STAM: variants seen among roughly 807,000 people sequenced by gnomAD.
The protein encoded by STAM is signal transducing adaptor molecule.
Under a neutral mutation model 63.4 loss-of-function variants are expected in STAM, and 16 were observed. That is an observed-to-expected ratio of 0.25 (90% confidence interval 0.17 to 0.38). The LOEUF (loss-of-function observed/expected upper bound fraction) is 0.38. STAM is among the 10% of genes least tolerant of loss of function. The pLI is 1.00. For synonymous variants in STAM, 238 were observed against 223.9 expected (o/e 1.06, Z -0.56); for missense variants, 636 against 657.1 (o/e 0.97, Z 0.35).
At chr10:17,697,459 C>A (rs1835811662) in intron 8 of STAM, among the ~76,000 whole-genome samples, 1 of 152,180 alleles carries the variant, frequency 6.6e-6, no homozygotes, top group Non-Finnish European at 1.5e-5. Flanking sequence ...GTCAGATATT[C>A]AGAAGGAGCC....
Position 17,708,047 on chromosome 10 carries a change from C to A in STAM, c.1210-729C>A, listed in dbSNP as rs1425204168. ...CTGGGACTGCAGGCGCCCGCCACCA[C>A]GCCTGGCTAATTTTTTGTATTTTTA... On this transcript the variant is annotated intron_variant, in intron 12 of 13. Transcript: ENST00000377524. Among the ~76,000 whole-genome samples the A allele has an allele frequency of 2.6e-5, 4 of 152,196 alleles. No individual in the cohort carries two copies. The East Asian group carries it at 7.7e-4, about 29-fold the overall frequency.
At chr10:17,674,680 A>G (rs373202489) in intron 2 of STAM, among the ~76,000 whole-genome samples, 19 of 152,216 alleles carry the variant, frequency 1.2e-4, no homozygotes, top group East Asian at 3.8e-4. Flanking sequence ...TGGTCAAGCA[A>G]GTCACTGAAG....
In STAM at chr10:17,715,687, A is replaced by C. The variant is rs2131715972; in HGVS notation, c.*907A>C. ...GGTTTCTAAGCTGTATACTGTGTTTATTGGTGGCAGTGACACCAAAGATAG... is the reference window on the plus strand; with the variant it reads ...GGTTTCTAAGCTGTATACTGTGTTTCTTGGTGGCAGTGACACCAAAGATAG... On this transcript the variant is annotated 3_prime_UTR_variant, in exon 14 of 14. Transcript: ENST00000377524. The C allele has an allele frequency of 6.5e-6, 1 of 152,712 alleles. No homozygotes were observed. The highest frequency in any genetic ancestry group is 6.5e-5 in the Admixed American group (1 of 15,292). 9.5% of individuals were successfully genotyped at this position (152,712 alleles called of 1,614,324 possible).
At chr10:17,673,032 T>A in intron 2 of STAM, 1 of 985,402 alleles carries the variant, frequency 1.0e-6, no homozygotes, top group Non-Finnish European at 1.2e-6. Context: ...AATGGGGTTT[T>A]AAGAAGCTTT....
At chr10:17,666,385 G>GTTTTTTTTTTTTT (rs1425682476) in intron 2 of STAM, among the ~76,000 whole-genome samples, 27 of 102,294 alleles carry the variant, frequency 2.6e-4, no homozygotes, top group African/African-American at 9.9e-4. Flanking sequence ...CCTTGGCTTT[G>GTTTTTTTTTTTTT]TATTTTTTTT....
At chr10:17,710,744 T>C (rs1554829990) in intron 13 of STAM, among the ~76,000 whole-genome samples, 1 of 152,240 alleles carries the variant, frequency 6.6e-6, no homozygotes, top group East Asian at 1.9e-4. Context: ...CACACAGTTT[T>C]ACACTGGCTA....
At chr10:17,707,104 A>G (rs1836319731) in intron 12 of STAM, among the ~76,000 whole-genome samples, 1 of 151,666 alleles carries the variant, frequency 6.6e-6, no homozygotes, top group Non-Finnish European at 1.5e-5. Flanking sequence ...AGGTGAGGTT[A>G]TAGGGAATAA....
chr10:17,659,836 C>T (rs1834093272), intron 1 of STAM, among the ~76,000 whole-genome samples: 1 of 152,144 alleles, frequency 6.6e-6, no homozygotes, highest in African/African-American at 2.4e-5. Flanking sequence ...TTAAGAAGTT[C>T]TGCTAACATT....
intron 2 of STAM, among the ~76,000 whole-genome samples, chr10:17,683,075 A>G (rs1448457597): frequency 6.6e-6 from 1 of 151,990 alleles, no homozygotes; most frequent in Admixed American, 6.6e-5. Context: ...TTAATCTGCC[A>G]TTTTTCTAGA....
chr10:17,677,010 T>A (rs1834885116), intron 2 of STAM, among the ~76,000 whole-genome samples: 1 of 152,204 alleles, frequency 6.6e-6, no homozygotes, highest in South Asian at 2.1e-4. Flanking sequence ...AGTTCTGTTT[T>A]GTAGACAGTT....
At chr10:17,652,956 C>T (rs1240439627) in intron 1 of STAM, among the ~76,000 whole-genome samples, 2 of 152,110 alleles carry the variant, frequency 1.3e-5, no homozygotes, top group Non-Finnish European at 2.9e-5. Context: ...GTCTTTGTTT[C>T]CTAGGAGACA....
At chr10:17,706,565 G>C (rs1836289334) in intron 12 of STAM, among the ~76,000 whole-genome samples, 1 of 151,842 alleles carries the variant, frequency 6.6e-6, no homozygotes, top group Admixed American at 6.6e-5. Flanking sequence ...ATTTTTAGTA[G>C]AGACGGGGTT....
chr10:17,644,501 T>A, intron 1 of STAM, 122 bp downstream of exon 1: 1 of 1,171,072 alleles, frequency 8.5e-7, no homozygotes, highest in Non-Finnish European at 1.2e-6. Flanking sequence ...TCCCCTTTCC[T>A]GAGGCTCCCT....
intron 11 of STAM, 105 bp downstream of exon 11, chr10:17,705,129 GGA>G: frequency 1.1e-6 from 1 of 879,312 alleles, no homozygotes; most frequent in Non-Finnish European, 1.8e-6. Flanking sequence ...ATATTGTGGA[GGA>G]ACCAACTCTC....
In STAM at chr10:17,705,583, T is replaced by C. The variant is rs1369247147; in HGVS notation, c.1056-5T>C. 3.1e-6 allele frequency: 5 copies of C among 1,609,666 alleles called. No individual in the cohort carries two copies. The highest frequency in any genetic ancestry group is 4.2e-6 in the Non-Finnish European group (5 of 1,178,554). ...TATGCTTCAAATTATTGTGTCATGT[T>C]TCAGAAAACATTCAGAACTCTCAGA... On this transcript the variant is annotated splice_polypyrimidine_tract_variant and splice_region_variant and intron_variant, in intron 11 of 13. Coordinates refer to ENST00000377524, the MANE Select transcript of STAM (RefSeq NM_003473.4).
intron 2 of STAM, among the ~76,000 whole-genome samples, chr10:17,684,278 G>C (rs1349291929): frequency 3.3e-5 from 5 of 152,108 alleles, no homozygotes; most frequent in African/African-American, 1.2e-4. Context: ...ACTGCCTGTG[G>C]CCTCATGTCT....
In STAM at chr10:17,693,215, T is replaced by C; in HGVS notation, c.445-7T>C. ...CCCTCAAATACTGTGTTCCTCTTTT[T>C]TGTTAGGCTGCAGAACAAGCAAAAG... is the stretch of plus-strand genomic sequence containing the variant. On this transcript the variant is annotated splice_polypyrimidine_tract_variant and splice_region_variant and intron_variant, in intron 5 of 13. Transcript: ENST00000377524. The C allele has an allele frequency of 1.2e-6, 2 of 1,612,878 alleles. No individual in the cohort carries two copies. The highest frequency in any genetic ancestry group is 1.7e-6 in the Non-Finnish European group (2 of 1,179,466).
intron 2 of STAM, among the ~76,000 whole-genome samples, chr10:17,667,428 AT>A (rs1257855079): frequency 5.3e-5 from 8 of 151,006 alleles, no homozygotes; most frequent in East Asian, 1.9e-4. Context: ...AGCCCATAGA[AT>A]TTTTTTTTTA....
At chr10:17,713,231 G>C (rs2131707103) in intron 13 of STAM, among the ~76,000 whole-genome samples, 1 of 152,304 alleles carries the variant, frequency 6.6e-6, no homozygotes, top group Admixed American at 6.5e-5. Flanking sequence ...TCAAGGTCCA[G>C]TGCACAGTAG....
Sources: allele counts gnomAD v4.1 joint callset (sites outside exome capture counted in the v4.1 genomes callset), GRCh38; gene constraint gnomAD v4.1.1; transcripts MANE v1.5; gene names NCBI Gene and HGNC (gene_info 2026-07-23, HGNC 2026-07-21).